The following PDZRN3 variants were observed in gnomAD, a reference collection of about 807,000 sequenced individuals.
PDZRN3 encodes E3 ubiquitin-protein ligase PDZRN3.
PDZRN3 carries 38 observed loss-of-function variants against 85.7 expected under a neutral mutation model. That is an observed-to-expected ratio of 0.44 (90% CI 0.34 to 0.58). The LOEUF (loss-of-function observed/expected upper bound fraction) is 0.58, where lower values mean the gene tolerates loss of function less well. Among genes scored for constraint, PDZRN3 ranks in the 20% least tolerant of loss-of-function variants. The pLI, the probability that PDZRN3 is intolerant of heterozygous loss-of-function variation, is 0.01. For synonymous variants in PDZRN3, 759 were observed against 638.0 expected, an observed-to-expected ratio of 1.19 and a Z score of -2.86; for missense variants, 1,629 against 1,506.4, an observed-to-expected ratio of 1.08 and a Z score of -1.35.
chr3:73,464,741 T>C (rs906943329), intron 3 of PDZRN3, among the ~76,000 whole-genome samples: 2 of 152,218 alleles, frequency 1.3e-5, no homozygotes, highest in African/African-American at 2.4e-5. Context: ...CTAAATTTTT[T>C]ATTGACAGAT....
intron 2 of PDZRN3, among the ~76,000 whole-genome samples, chr3:73,605,055 T>C (rs1375620401): frequency 6.6e-6 from 1 of 152,048 alleles, no homozygotes; most frequent in East Asian, 1.9e-4. Flanking sequence ...ACCCCATCTC[T>C]AGCAATACAA....
intron 3 of PDZRN3, among the ~76,000 whole-genome samples, chr3:73,478,600 G>A (rs1201352301): frequency 6.6e-6 from 1 of 151,878 alleles, no homozygotes; most frequent in Non-Finnish European, 1.5e-5. Flanking sequence ...TACAATAAAT[G>A]TAAGAGGCTT....
intron 3 of PDZRN3, among the ~76,000 whole-genome samples, chr3:73,568,566 A>T (rs951395092): frequency 1.3e-5 from 2 of 152,170 alleles, no homozygotes; most frequent in Non-Finnish European, 2.9e-5. Flanking sequence ...ATCAACACAA[A>T]TACACACCAA....
chr3:73,539,417 C>G lies in PDZRN3; in HGVS notation c.918+62937G>C, dbSNP rs114489644. On this transcript the variant is annotated intron_variant, in intron 3 of 9. Coordinates refer to ENST00000263666, the MANE Select transcript of PDZRN3 (RefSeq NM_015009.3). ...TGCTCCTCTCAGCAAGAGGTGGAAT[C>G]GATTTCCTCAGTGCAAACCTGGGCA... 3.1e-3 allele frequency among the ~76,000 whole-genome samples: 474 copies of G among 152,254 alleles called. 3 individuals carry two copies. Among genetic ancestry groups the G allele is most frequent in the African/African-American group, 0.011 (447 of 41,554 alleles).
At chr3:73,623,288 G>A (rs1378638775) in intron 1 of PDZRN3, among the ~76,000 whole-genome samples, 2 of 152,234 alleles carry the variant, frequency 1.3e-5, no homozygotes, top group African/African-American at 2.4e-5. Context: ...TAAGCCAGAA[G>A]CTCACCCAGC....
chr3:73,494,434 A>T (rs1015386125), intron 3 of PDZRN3, among the ~76,000 whole-genome samples: 2 of 152,226 alleles, frequency 1.3e-5, no homozygotes, highest in African/African-American at 4.8e-5. Flanking sequence ...ATATTTACAT[A>T]AAGCTACTCC....
At chr3:73,497,573 AT>A (rs1303447629) in intron 3 of PDZRN3, among the ~76,000 whole-genome samples, 2 of 152,254 alleles carry the variant, frequency 1.3e-5, no homozygotes, top group East Asian at 3.9e-4. Context: ...CCATTGTAAA[AT>A]TTTTTTTATT....
At chr3:73,475,533 A>G (rs982467204) in intron 3 of PDZRN3, among the ~76,000 whole-genome samples, 3 of 152,222 alleles carry the variant, frequency 2.0e-5, no homozygotes, top group African/African-American at 7.2e-5. Flanking sequence ...GTTGTAAATT[A>G]AAAAATAAAC....
rs184942233 is a variant in PDZRN3, at chr3:73,468,455, T to C, written c.919-64060A>G. 3.1e-3 allele frequency among the ~76,000 whole-genome samples: 476 copies of C among 152,146 alleles called. 2 individuals carry two copies. Among genetic ancestry groups the C allele is most frequent in the African/African-American group, 0.01 (422 of 41,472 alleles). On this transcript the variant is annotated intron_variant, in intron 3 of 9. Coordinates refer to ENST00000263666, the MANE Select transcript of PDZRN3 (RefSeq NM_015009.3). ...TACAGTCGCTTACTCTTTTTTTTTT[T>C]CTTTGAGTCAATTAAAGCACATTTG...
Position 73,404,144 on chromosome 3 carries a change from T to G in PDZRN3, c.1166+4A>C. 1 of 1,613,088 alleles carries G rather than the reference T, an allele frequency of 6.2e-7. No homozygotes were observed. ...CATTAGGGGTTCAAGATTAGGTTAC[T>G]TACTCCTCTGGCAAGAGATAGGGAT... On this transcript the variant is annotated splice_donor_region_variant and intron_variant, in intron 4 of 9. Coordinates refer to ENST00000263666, the MANE Select transcript of PDZRN3 (RefSeq NM_015009.3).
At chr3:73,573,772 C>CTAT (rs1553704131) in intron 3 of PDZRN3, among the ~76,000 whole-genome samples, 1 of 150,866 alleles carries the variant, frequency 6.6e-6, no homozygotes, top group Admixed American at 6.6e-5. Context: ...AATACATACA[C>CTAT]ACATATACAT....
At chr3:73,584,613 C>T (rs955563547) in intron 3 of PDZRN3, among the ~76,000 whole-genome samples, 9 of 152,032 alleles carry the variant, frequency 5.9e-5, no homozygotes, top group African/African-American at 2.2e-4. Context: ...TCACTTGTAA[C>T]AGTTATTTTG....
At chr3:73,490,862 C>T (rs1703756612) in intron 3 of PDZRN3, among the ~76,000 whole-genome samples, 2 of 152,180 alleles carry the variant, frequency 1.3e-5, no homozygotes, top group Admixed American at 1.3e-4. Context: ...CAGCTGGCTG[C>T]CAAAGAAAAC....
chr3:73,513,920 G>A (rs62246158), intron 3 of PDZRN3, among the ~76,000 whole-genome samples: 152,326 of 152,388 alleles, frequency 1, 76,132 homozygotes, highest in Middle Eastern at 1. Flanking sequence ...CTATATACAA[G>A]GTTTCTATGT....
intron 3 of PDZRN3, among the ~76,000 whole-genome samples, chr3:73,484,076 G>A (rs570304186): frequency 6.6e-6 from 1 of 152,228 alleles, no homozygotes; most frequent in East Asian, 1.9e-4. Flanking sequence ...AACATGATGC[G>A]GGGGCCTGGG....
intron 3 of PDZRN3, among the ~76,000 whole-genome samples, chr3:73,464,745 G>T (rs1559693651): frequency 6.6e-6 from 1 of 152,036 alleles, no homozygotes; most frequent in Non-Finnish European, 1.5e-5. Flanking sequence ...ATTTTTTATT[G>T]ACAGATAAGA....
At chr3:73,458,782 G>C (rs1047039944) in intron 3 of PDZRN3, among the ~76,000 whole-genome samples, 18 of 151,718 alleles carry the variant, frequency 1.2e-4, no homozygotes, top group Admixed American at 6.6e-4. Flanking sequence ...ACGAGGTCAG[G>C]AATTCGAGAC....
At chr3:73,425,495 T>A (rs1278300421) in intron 3 of PDZRN3, among the ~76,000 whole-genome samples, 3 of 151,990 alleles carry the variant, frequency 2.0e-5, no homozygotes, top group African/African-American at 7.2e-5. Context: ...CCTAGCGGAA[T>A]TTTTCTACCT....
chr3:73,602,300 C>T (rs1046829225), intron 3 of PDZRN3, 54 bp downstream of exon 3: 79 of 970,120 alleles, frequency 8.1e-5, no homozygotes, highest in Non-Finnish European at 1.0e-4. Flanking sequence ...TTGAGCTAGA[C>T]GAAGATGGGA....
Sources: allele counts gnomAD v4.1 joint callset (sites outside exome capture counted in the v4.1 genomes callset), GRCh38; gene constraint gnomAD v4.1.1; transcripts MANE v1.5; gene names NCBI Gene and HGNC (gene_info 2026-07-23, HGNC 2026-07-21).